RPS6KC1: variants seen among roughly 807,000 people sequenced by gnomAD.
RPS6KC1 encodes the protein inactive ribosomal protein S6 kinase delta-1.
A neutral mutation model predicts 103.8 loss-of-function variants in RPS6KC1; 54 were observed. The ratio of observed to expected loss-of-function variants is 0.52; its 90% CI spans 0.42 to 0.65. The LOEUF (loss-of-function observed/expected upper bound fraction) is 0.65. Among genes scored for constraint, RPS6KC1 ranks in the 30% least tolerant of loss-of-function variants. The pLI is 0.00. For missense variants in RPS6KC1, 1,151 were observed against 1,253.8 expected, an observed-to-expected ratio of 0.92 and a Z score of 1.24; for synonymous variants, 439 against 438.7, an observed-to-expected ratio of 1.00 and a Z score of -0.01.
chr1:213,674,743 C>G, the RPS6KC1 span, among the ~76,000 whole-genome samples: 9 of 152,148 alleles, frequency 5.9e-5, no homozygotes, highest in Non-Finnish European at 1.5e-5. Context: ...ATTTACATTC[C>G]CACCAACAGT....
At chr1:213,501,743 AAAAG>A in the RPS6KC1 span, among the ~76,000 whole-genome samples, 56 of 152,190 alleles carry the variant, frequency 3.7e-4, no homozygotes, top group African/African-American at 1.3e-3. Context: ...AAAAAAAAAA[AAAAG>A]AAAAAAAAGA....
At chr1:213,578,008 G>A in the RPS6KC1 span, among the ~76,000 whole-genome samples, 3 of 152,220 alleles carry the variant, frequency 2.0e-5, no homozygotes, top group African/African-American at 7.2e-5. Context: ...GCAGCCCCAA[G>A]CTGGGGGGCC....
the RPS6KC1 span, among the ~76,000 whole-genome samples, chr1:213,573,670 TG>T: frequency 6.6e-6 from 1 of 152,232 alleles, no homozygotes. Context: ...AGTTACTGGT[TG>T]TTGAAACCTA....
the RPS6KC1 span, among the ~76,000 whole-genome samples, chr1:213,310,207 C>G: frequency 6.6e-6 from 1 of 152,150 alleles, no homozygotes; most frequent in Non-Finnish European, 1.5e-5. Flanking sequence ...TCATAGTGAC[C>G]CTTTTAAAAG....
the RPS6KC1 span, among the ~76,000 whole-genome samples, chr1:213,366,335 C>T: frequency 1.3e-5 from 2 of 152,304 alleles, no homozygotes; most frequent in Admixed American, 1.3e-4. Flanking sequence ...TGTAAACCAC[C>T]AAGGCATAGA....
At chr1:213,233,953 A>G (rs1450307148) in intron 10 of RPS6KC1, among the ~76,000 whole-genome samples, 1 of 151,888 alleles carries the variant, frequency 6.6e-6, no homozygotes, top group African/African-American at 2.4e-5. Flanking sequence ...AAATTTATTG[A>G]GCATGTACTG....
the RPS6KC1 span, among the ~76,000 whole-genome samples, chr1:213,638,549 G>C: frequency 6.8e-6 from 1 of 147,124 alleles, no homozygotes; most frequent in South Asian, 2.1e-4. Context: ...TATAGGACAA[G>C]ATTTGTTTTG....
the RPS6KC1 span, among the ~76,000 whole-genome samples, chr1:213,808,612 C>T: frequency 3.9e-5 from 6 of 152,336 alleles, no homozygotes; most frequent in South Asian, 6.2e-4. Context: ...TCCTGGTGTC[C>T]GTTATTTAAG....
intron 2 of RPS6KC1, among the ~76,000 whole-genome samples, chr1:213,075,517 C>G (rs984179204): frequency 3.3e-5 from 5 of 152,214 alleles, no homozygotes; most frequent in African/African-American, 9.6e-5. Flanking sequence ...AGTTTTTGCT[C>G]TTCAACCCTA....
At chr1:213,442,085 G>A in the RPS6KC1 span, among the ~76,000 whole-genome samples, 1 of 152,222 alleles carries the variant, frequency 6.6e-6, no homozygotes, top group East Asian at 1.9e-4. Context: ...GAATGTGTGT[G>A]TGGGGAGGTA....
At chr1:213,735,182 T>C in the RPS6KC1 span, among the ~76,000 whole-genome samples, 1 of 152,320 alleles carries the variant, frequency 6.6e-6, no homozygotes, top group South Asian at 2.1e-4. Flanking sequence ...AAGTGAAGTC[T>C]CTGTGCATGC....
chr1:213,338,141 A>G, the RPS6KC1 span, among the ~76,000 whole-genome samples: 1,054 of 152,310 alleles, frequency 6.9e-3, 13 homozygotes, highest in African/African-American at 0.021. Context: ...ATAAATAATT[A>G]TGAATGAATC....
Position 213,168,989 on chromosome 1 carries a change from G to A in RPS6KC1, c.951+1016G>A, listed in dbSNP as rs150570454. Among the ~76,000 whole-genome samples the A allele has an allele frequency of 8.1e-3, 1,238 of 152,104 alleles. 13 individuals are homozygous for A. Among genetic ancestry groups the A allele is most frequent in the Non-Finnish European group, 0.013 (855 of 68,020 alleles). On this transcript the variant is annotated intron_variant, in intron 7 of 14. Coordinates refer to ENST00000366960, the MANE Select transcript of RPS6KC1 (RefSeq NM_012424.6). ...GGACAAGATACTTAATCCCACTTCT[G>A]CATGTCAGTTTCTATATCTGAATAA... is the stretch of plus-strand genomic sequence containing the variant.
chr1:213,726,117 T>C, the RPS6KC1 span, among the ~76,000 whole-genome samples: 2 of 152,302 alleles, frequency 1.3e-5, no homozygotes, highest in South Asian at 2.1e-4. Flanking sequence ...CAGTGTCTTG[T>C]TCTGTCACCC....
intron 9 of RPS6KC1, among the ~76,000 whole-genome samples, chr1:213,230,975 T>TC (rs528445027): frequency 5.6e-4 from 85 of 151,390 alleles, no homozygotes; most frequent in Middle Eastern, 6.8e-3. Context: ...AGTTAATATA[T>TC]CCCCCCCCTA....
the RPS6KC1 span, among the ~76,000 whole-genome samples, chr1:213,642,998 G>C: frequency 6.6e-6 from 1 of 151,638 alleles, no homozygotes; most frequent in Non-Finnish European, 1.5e-5. Flanking sequence ...ATAGTGCTTA[G>C]TTTTAGAGCT....
the RPS6KC1 span, among the ~76,000 whole-genome samples, chr1:213,849,599 C>T: frequency 6.6e-6 from 1 of 152,130 alleles, no homozygotes; most frequent in Non-Finnish European, 1.5e-5. Context: ...TTTTCATAAA[C>T]TCATGTGTGT....
intron 6 of RPS6KC1, among the ~76,000 whole-genome samples, chr1:213,167,395 A>T (rs1204715017): frequency 1.3e-5 from 2 of 150,244 alleles, no homozygotes; most frequent in African/African-American, 4.9e-5. Flanking sequence ...ACCAGGAAAC[A>T]TTGTTTTGTA....
At chr1:213,538,678 G>A in the RPS6KC1 span, among the ~76,000 whole-genome samples, 2,259 of 152,212 alleles carry the variant, frequency 0.015, 27 homozygotes, top group South Asian at 0.031. Context: ...GTTTTGAGGA[G>A]GGGCAGGAGG....
Sources: allele counts gnomAD v4.1 joint callset (sites outside exome capture counted in the v4.1 genomes callset), GRCh38; gene constraint gnomAD v4.1.1; transcripts MANE v1.5; gene names NCBI Gene and HGNC (gene_info 2026-07-23, HGNC 2026-07-21).